Variants in STK3 observed in about 807,000 individuals in gnomAD.
The protein encoded by STK3 is serine/threonine-protein kinase 3.
A neutral mutation model predicts 58.0 loss-of-function variants in STK3; 41 were observed. The ratio of observed to expected loss-of-function variants is 0.71; its 90% CI spans 0.55 to 0.92. The LOEUF is 0.92. Ranked by LOEUF, STK3 falls within the 40% of genes least tolerant of loss-of-function variation. STK3 has a pLI of 0.00. For synonymous variants in STK3, 170 were observed against 191.0 expected, an observed-to-expected ratio of 0.89 and a Z score of 0.91; for missense variants, 479 against 602.7, an observed-to-expected ratio of 0.79 and a Z score of 2.15.
intron 3 of STK3, among the ~76,000 whole-genome samples, chr8:98,424,836 C>T (rs749386254): frequency 2.6e-4 from 40 of 152,174 alleles, no homozygotes; most frequent in Non-Finnish European, 2.6e-4. Flanking sequence ...GGAATGGGAG[C>T]GGCTGGGAAT....
intron 6 of STK3, chr8:98,598,404 A>G: frequency 1.0e-6 from 1 of 985,370 alleles, no homozygotes; most frequent in Non-Finnish European, 1.2e-6. Context: ...AAGCATGAAC[A>G]CCGAGCATAC....
At chr8:98,649,334 T>C (rs1255573194) in intron 6 of STK3, among the ~76,000 whole-genome samples, 1 of 152,118 alleles carries the variant, frequency 6.6e-6, no homozygotes, top group Non-Finnish European at 1.5e-5. Flanking sequence ...ACATATAAGT[T>C]ACAAAAAAAA....
intron 6 of STK3, among the ~76,000 whole-genome samples, chr8:98,695,769 T>C (rs868459221): frequency 6.6e-6 from 1 of 152,224 alleles, no homozygotes; most frequent in African/African-American, 2.4e-5. Flanking sequence ...TTGGTTACTG[T>C]AGCCTTGTAG....
chr8:98,811,728 C>T (rs1171804560), intron 1 of STK3, among the ~76,000 whole-genome samples: 1 of 152,134 alleles, frequency 6.6e-6, no homozygotes, highest in African/African-American at 2.4e-5. Context: ...CTAAATTATA[C>T]ATTGAGGAGT....
chr8:98,848,856 A>G (rs1836320604), intron 3 of STK3, among the ~76,000 whole-genome samples: 1 of 152,176 alleles, frequency 6.6e-6, no homozygotes, highest in Non-Finnish European at 1.5e-5. Context: ...TTCTTGTGGA[A>G]TACCTAGGAG....
chr8:98,563,462 G>A (rs1201555309), intron 8 of STK3, among the ~76,000 whole-genome samples: 1 of 152,120 alleles, frequency 6.6e-6, no homozygotes, highest in African/African-American at 2.4e-5. Context: ...TATATACATA[G>A]GCTAGTATAC....
At chr8:98,535,711 T>C (rs1005443035) in intron 9 of STK3, among the ~76,000 whole-genome samples, 1 of 152,160 alleles carries the variant, frequency 6.6e-6, no homozygotes. Flanking sequence ...CTAACATTTA[T>C]AGAGCACCTA....
At chr8:98,707,414 G>GTGT in intron 4 of STK3, 103 bp from the exon 5 acceptor site, 4 of 817,132 alleles carry the variant, frequency 4.9e-6, no homozygotes, top group Non-Finnish European at 7.1e-6. Context: ...GTGTGTGTGT[G>GTGT]TTTTTTTTTA....
chr8:98,803,229 T>C (rs1216285129), intron 1 of STK3, among the ~76,000 whole-genome samples: 1 of 152,144 alleles, frequency 6.6e-6, no homozygotes, highest in Non-Finnish European at 1.5e-5. Context: ...AATAAAATCA[T>C]CTTATACACT....
chr8:98,836,216 A>C (rs1364396617), intron 3 of STK3, among the ~76,000 whole-genome samples: 2 of 151,862 alleles, frequency 1.3e-5, no homozygotes, highest in Middle Eastern at 3.2e-3. Context: ...AAAAAAAAAA[A>C]CCCACAAGAG....
At chr8:98,459,826 T>A (rs1423086194) in intron 10 of STK3, among the ~76,000 whole-genome samples, 2 of 152,228 alleles carry the variant, frequency 1.3e-5, no homozygotes, top group African/African-American at 4.8e-5. Context: ...GAATTGAGGC[T>A]TGGGAACCTC....
At chr8:98,647,007 G>A (rs1262964495) in intron 6 of STK3, among the ~76,000 whole-genome samples, 1 of 152,068 alleles carries the variant, frequency 6.6e-6, no homozygotes, top group Non-Finnish European at 1.5e-5. Context: ...CTCAAGGCCT[G>A]CCAGGGGTCT....
chr8:98,942,361 C>G (rs1840469112), intron 1 of STK3: 1 of 152,268 alleles, frequency 6.6e-6, no homozygotes, highest in Non-Finnish European at 1.5e-5. Context: ...AGCTGGAGCT[C>G]GCCGACTCTT....
At chr8:98,581,901 T>C (rs986172172) in intron 7 of STK3, among the ~76,000 whole-genome samples, 2 of 152,106 alleles carry the variant, frequency 1.3e-5, no homozygotes, top group Non-Finnish European at 1.5e-5. Context: ...TGAGGAAGTA[T>C]AGAGAAAAAT....
chr8:98,697,220 T>A (rs1164080548), intron 6 of STK3, among the ~76,000 whole-genome samples: 2 of 152,216 alleles, frequency 1.3e-5, no homozygotes, highest in Non-Finnish European at 1.5e-5. Context: ...TTATCATTTT[T>A]TATTGTGTCT....
At chr8:98,565,353 T>C (rs1812388570) in intron 8 of STK3, among the ~76,000 whole-genome samples, 1 of 152,142 alleles carries the variant, frequency 6.6e-6, no homozygotes, top group Admixed American at 6.6e-5. Flanking sequence ...TTTTACATAC[T>C]ATATCGAGTA....
At chr8:98,666,557 C>T (rs1052417799) in intron 6 of STK3, among the ~76,000 whole-genome samples, 28 of 152,112 alleles carry the variant, frequency 1.8e-4, no homozygotes, top group Admixed American at 1.5e-3. Context: ...CAAAGATTTG[C>T]TGGTCTAAAT....
intron 9 of STK3, among the ~76,000 whole-genome samples, chr8:98,535,365 C>A (rs1415981784): frequency 6.6e-6 from 1 of 152,100 alleles, no homozygotes; most frequent in Non-Finnish European, 1.5e-5. Flanking sequence ...CACTACTAAT[C>A]CAGTGAAGAC....
chr8:98,608,411 G>A (rs764543859), intron 6 of STK3, among the ~76,000 whole-genome samples: 3 of 152,066 alleles, frequency 2.0e-5, no homozygotes, highest in Non-Finnish European at 4.4e-5. Context: ...TGCAAACCAG[G>A]GAAACTAACA....
Sources: allele counts gnomAD v4.1 joint callset (sites outside exome capture counted in the v4.1 genomes callset), GRCh38; gene constraint gnomAD v4.1.1; transcripts MANE v1.5; gene names NCBI Gene and HGNC (gene_info 2026-07-23, HGNC 2026-07-21).